The following ASIC2 variants were observed in gnomAD, a reference collection of about 807,000 sequenced individuals.
ASIC2 encodes acid-sensing ion channel 2.
A neutral mutation model predicts 57.3 loss-of-function variants in ASIC2; 25 were observed. The observed-to-expected ratio is 0.44, with a 90% CI of 0.32 to 0.61. The LOEUF (loss-of-function observed/expected upper bound fraction) is 0.61. Among genes scored for constraint, ASIC2 ranks in the 20% least tolerant of loss-of-function variants. The pLI, the probability that ASIC2 is intolerant of heterozygous loss-of-function variation, is 0.06. For missense variants in ASIC2, 641 were observed against 738.1 expected, an observed-to-expected ratio of 0.87 and a Z score of 1.52; for synonymous variants, 319 against 307.5, an observed-to-expected ratio of 1.04 and a Z score of -0.39.
chr17:34,114,747 C>A (rs1911378691), intron 1 of ASIC2, among the ~76,000 whole-genome samples: 1 of 152,130 alleles, frequency 6.6e-6, no homozygotes, highest in African/African-American at 2.4e-5. Flanking sequence ...AGGGTGGAGG[C>A]ACAGACACAG....
rs541202898 is a variant in ASIC2, at chr17:33,919,239, A to G, written c.555+236739T>C. On this transcript the variant is annotated intron_variant, in intron 1 of 9. Transcript: ENST00000359872. ...TCCTGGAAAGGTGTCTGCCTGGCCT[A>G]TGATTTTTCCAAGATCAGGATTCCT... Among the ~76,000 whole-genome samples the G allele has an allele frequency of 3.9e-5, 6 of 152,302 alleles. No individual in the cohort carries two copies. The East Asian group carries it at 7.7e-4, about 20-fold the overall frequency.
chr17:33,270,352 G>T (rs1359648952), intron 1 of ASIC2, among the ~76,000 whole-genome samples: 1 of 152,156 alleles, frequency 6.6e-6, no homozygotes, highest in African/African-American at 2.4e-5. Context: ...TGAGCACAGA[G>T]TTCCCTGGCT....
Position 33,882,006 on chromosome 17 carries a change from G to A in ASIC2, c.555+273972C>T, listed in dbSNP as rs538778742. Among the ~76,000 whole-genome samples, 435 of 152,222 alleles carry A rather than the reference G, an allele frequency of 2.9e-3. 5 individuals are homozygous for A. Among genetic ancestry groups the A allele is most frequent in the African/African-American group, 9.9e-3 (413 of 41,514 alleles). ...ACAAACCTGACAAAAACAAGAAATG[G>A]GGAAAGGATTCCGTATTTAATAAAT... On this transcript the variant is annotated intron_variant, in intron 1 of 9. Coordinates refer to the ASIC2 transcript ENST00000359872.
intron 1 of ASIC2, among the ~76,000 whole-genome samples, chr17:33,826,517 G>C (rs1247705047): frequency 6.6e-6 from 1 of 152,180 alleles, no homozygotes; most frequent in Non-Finnish European, 1.5e-5. Context: ...TCACAGGGCT[G>C]GAGGAACGTT....
At chr17:33,600,770 G>A (rs1164290041) in intron 1 of ASIC2, among the ~76,000 whole-genome samples, 1 of 152,130 alleles carries the variant, frequency 6.6e-6, no homozygotes, top group Non-Finnish European at 1.5e-5. Context: ...AAAGTCATAG[G>A]GAAAGCCAAA....
chr17:33,159,443 C>T (rs1273337063), intron 1 of ASIC2, among the ~76,000 whole-genome samples: 3 of 152,102 alleles, frequency 2.0e-5, no homozygotes, highest in Non-Finnish European at 4.4e-5. Flanking sequence ...GGATGGGAGA[C>T]ACTGTTCTAG....
chr17:34,125,850 A>G (rs1342567836), intron 1 of ASIC2, among the ~76,000 whole-genome samples: 1 of 152,194 alleles, frequency 6.6e-6, no homozygotes, highest in African/African-American at 2.4e-5. Context: ...GGATCCAGGT[A>G]CGAGCTCAGA....
chr17:33,974,994 C>T (rs2142000550), intron 1 of ASIC2, among the ~76,000 whole-genome samples: 1 of 152,308 alleles, frequency 6.6e-6, no homozygotes, highest in Non-Finnish European at 1.5e-5. Flanking sequence ...TTGGCCATCT[C>T]TCCCCACTAG....
At chr17:33,339,157 G>A (rs111890542) in intron 1 of ASIC2, among the ~76,000 whole-genome samples, 5 of 152,294 alleles carry the variant, frequency 3.3e-5, no homozygotes, top group African/African-American at 1.2e-4. Context: ...ATGAAGAAAA[G>A]GTTGAGAAAC....
chr17:33,559,706 C>A (rs1597784640), intron 1 of ASIC2, among the ~76,000 whole-genome samples: 1 of 152,080 alleles, frequency 6.6e-6, no homozygotes, highest in East Asian at 1.9e-4. Flanking sequence ...TATCCAGTGC[C>A]CTCTTTAAGA....
chr17:33,268,725 ACATCTGCCT>A (rs1163801927), intron 1 of ASIC2, among the ~76,000 whole-genome samples: 2 of 152,254 alleles, frequency 1.3e-5, no homozygotes, highest in East Asian at 3.9e-4. Context: ...TTTACCAGAG[ACATCTGCCT>A]CATTTCCCCA....
intron 1 of ASIC2, among the ~76,000 whole-genome samples, chr17:33,121,095 T>C (rs1330553611): frequency 2.0e-5 from 3 of 152,196 alleles, no homozygotes; most frequent in Non-Finnish European, 4.4e-5. Flanking sequence ...ACAAAAAGGC[T>C]CCGCCCAGGC....
chr17:33,353,432 C>T (rs1567832675), intron 1 of ASIC2, among the ~76,000 whole-genome samples: 1 of 152,114 alleles, frequency 6.6e-6, no homozygotes, highest in Non-Finnish European at 1.5e-5. Flanking sequence ...GATCTGGGTT[C>T]AAGCAATTCT....
intron 1 of ASIC2, among the ~76,000 whole-genome samples, chr17:33,852,843 A>C (rs1299071608): frequency 6.6e-6 from 1 of 152,050 alleles, no homozygotes; most frequent in Non-Finnish European, 1.5e-5. Context: ...GGTGAGCAAG[A>C]TGGTTAAATA....
At chr17:33,243,839 T>C (rs1908598585) in intron 1 of ASIC2, among the ~76,000 whole-genome samples, 1 of 152,206 alleles carries the variant, frequency 6.6e-6, no homozygotes, top group Non-Finnish European at 1.5e-5. Context: ...TTTTCCCTGA[T>C]CATTTTTAAT....
At chr17:33,288,078 A>G (rs983289928) in intron 1 of ASIC2, among the ~76,000 whole-genome samples, 6 of 152,076 alleles carry the variant, frequency 3.9e-5, no homozygotes, top group South Asian at 4.1e-4. Context: ...TGGGTGCCGG[A>G]GGCAGCAAGT....
At chr17:33,943,117 A>G (rs943578598) in intron 1 of ASIC2, among the ~76,000 whole-genome samples, 6 of 152,268 alleles carry the variant, frequency 3.9e-5, no homozygotes, top group Non-Finnish European at 8.8e-5. Flanking sequence ...CTAAGATCAC[A>G]CAATGAGGAA....
At chr17:33,140,208 GCACTCCCAGATTGTGTTCCCAC>G (rs1341744790) in intron 1 of ASIC2, among the ~76,000 whole-genome samples, 1 of 152,178 alleles carries the variant, frequency 6.6e-6, no homozygotes, top group African/African-American at 2.4e-5. Context: ...ATGGTAGCTG[GCACTCCCAGATTGTGTTCCCAC>G]CTCTCCCTTT....
At chr17:33,628,035 A>G (rs937158822) in intron 1 of ASIC2, among the ~76,000 whole-genome samples, 4 of 151,952 alleles carry the variant, frequency 2.6e-5, no homozygotes, top group Non-Finnish European at 4.4e-5. Flanking sequence ...GTCTCAAAAA[A>G]ATAAAAAAAG....
Sources: gnomAD v4.1 joint callset for allele counts (sites outside exome capture counted in the v4.1 genomes callset) on GRCh38, gnomAD v4.1.1 for gene constraint, MANE v1.5 for transcripts, NCBI Gene and HGNC (gene_info 2026-07-23, HGNC 2026-07-21) for gene names.